Variants in PSD3 observed in about 807,000 individuals in gnomAD.
PSD3 encodes the protein pleckstrin and Sec7 domain containing 3.
A neutral mutation model predicts 105.5 loss-of-function variants in PSD3; 49 were observed. The observed-to-expected ratio is 0.46, with a 90% CI of 0.37 to 0.59. The LOEUF (loss-of-function observed/expected upper bound fraction) is 0.59. Ranked by LOEUF, PSD3 falls within the 20% of genes least tolerant of loss-of-function variation. PSD3 has a pLI of 0.00. For missense variants in PSD3, 1,561 were observed against 1,263.8 expected (o/e 1.24, Z -3.57); for synonymous variants, 557 against 457.8 (o/e 1.22, Z -2.77).
chr8:18,648,030 ACTT>A (rs1808181588), intron 10 of PSD3, among the ~76,000 whole-genome samples: 2 of 152,122 alleles, frequency 1.3e-5, no homozygotes, highest in Admixed American at 1.3e-4. Context: ...AGCCAATTAA[ACTT>A]CTTTTTATAT....
At chr8:18,652,493 GTTTTT>G (rs67555804) in intron 10 of PSD3, among the ~76,000 whole-genome samples, 1 of 92,594 alleles carries the variant, frequency 1.1e-5, no homozygotes, top group Non-Finnish European at 2.0e-5. Flanking sequence ...AAAAAGCTTA[GTTTTT>G]TTTTTTTTTT....
intron 9 of PSD3, among the ~76,000 whole-genome samples, chr8:18,719,640 ACATTTG>A (rs1394082190): frequency 6.6e-6 from 1 of 152,180 alleles, no homozygotes; most frequent in Non-Finnish European, 1.5e-5. Context: ...CTATTCTTGA[ACATTTG>A]CAGGTCAAGG....
chr8:19,007,937 G>A (rs947886468), intron 1 of PSD3, among the ~76,000 whole-genome samples: 1 of 152,124 alleles, frequency 6.6e-6, no homozygotes, highest in Admixed American at 6.5e-5. Context: ...CCGCCTCCTG[G>A]GTTCAAGTGA....
chr8:18,732,555 G>A (rs10089453), intron 9 of PSD3, among the ~76,000 whole-genome samples: 9,092 of 152,256 alleles, frequency 0.06, 532 homozygotes, highest in East Asian at 0.24. Context: ...TGAGCATGGT[G>A]CCAGCTGCAA....
At chr8:18,770,910 G>A (rs1807458756) in intron 8 of PSD3, among the ~76,000 whole-genome samples, 1 of 152,172 alleles carries the variant, frequency 6.6e-6, no homozygotes, top group African/African-American at 2.4e-5. Flanking sequence ...ATTGGAGGAT[G>A]GTAAATGCAG....
At chr8:18,756,543 T>C (rs1289118375) in intron 9 of PSD3, among the ~76,000 whole-genome samples, 1 of 124,344 alleles carries the variant, frequency 8.0e-6, no homozygotes, top group African/African-American at 4.0e-5. Context: ...CGATTTGGAT[T>C]CAAAATGACG....
At position 18,557,874 on chromosome 8, in the gene PSD3, G is replaced by A. The variant is rs781211220; in HGVS notation, c.2785-1522C>T. On this transcript the variant is annotated intron_variant, in intron 14 of 15. Transcript: ENST00000327040. The stretch of plus-strand genomic sequence containing the variant: ...GAGACTATCAACTATGTTATGGATT[G>A]AATGTGTCCACTCAAAATTAACCTT... Among the ~76,000 whole-genome samples the A allele has an allele frequency of 1.2e-3, 181 of 152,294 alleles. 2 individuals are homozygous for A. Among genetic ancestry groups the A allele is most frequent in the Admixed American group, 1.4e-3 (22 of 15,300 alleles).
chr8:19,020,454 G>T (rs1387524523), intron 1 of PSD3, among the ~76,000 whole-genome samples: 1 of 152,132 alleles, frequency 6.6e-6, no homozygotes, highest in Non-Finnish European at 1.5e-5. Flanking sequence ...ACAGCAAGGG[G>T]TCAGTGTGCC....
At chr8:18,729,522 A>T (rs1425642413) in intron 9 of PSD3, among the ~76,000 whole-genome samples, 2 of 152,218 alleles carry the variant, frequency 1.3e-5, no homozygotes, top group African/African-American at 4.8e-5. Flanking sequence ...TAAAAGTAGC[A>T]TGCAACAACC....
chr8:18,882,430 C>T (rs909229114), intron 2 of PSD3, among the ~76,000 whole-genome samples: 1 of 152,104 alleles, frequency 6.6e-6, no homozygotes, highest in Non-Finnish European at 1.5e-5. Flanking sequence ...ACCATGAATG[C>T]ATCAAGCAGC....
In PSD3 at chr8:18,704,665, T is replaced by A. The variant is rs118151226; in HGVS notation, c.2173-48980A>T. ...CCAATAAGAGAACCTTATTGTGAGT[T>A]TCCATCTCAGTTCTGCTAAGTTGCT... On this transcript the variant is annotated intron_variant, in intron 9 of 15. Coordinates refer to ENST00000327040, the MANE Select transcript of PSD3 (RefSeq NM_015310.4). Among the ~76,000 whole-genome samples, 8 of 152,254 alleles carry A rather than the reference T, an allele frequency of 5.3e-5. No homozygotes were observed. The East Asian group carries it at 9.7e-4, about 18-fold the overall frequency.
chr8:18,816,412 G>C (rs1446254622), intron 4 of PSD3, among the ~76,000 whole-genome samples: 1 of 152,184 alleles, frequency 6.6e-6, no homozygotes, highest in African/African-American at 2.4e-5. Flanking sequence ...CTGCAGTTGT[G>C]CATTCAGCCT....
intron 1 of PSD3, among the ~76,000 whole-genome samples, chr8:19,072,652 A>C (rs528053427): frequency 1.3e-5 from 2 of 152,328 alleles, no homozygotes; most frequent in East Asian, 3.9e-4. Flanking sequence ...ACCAGGACAC[A>C]GAAGCAGTGG....
chr8:18,714,037 T>A (rs553809677), intron 9 of PSD3, among the ~76,000 whole-genome samples: 1 of 152,292 alleles, frequency 6.6e-6, no homozygotes, highest in South Asian at 2.1e-4. Flanking sequence ...GGGAAATGAT[T>A]CCCTATTTAA....
At chr8:18,679,646 G>A (rs1800270630) in intron 9 of PSD3, among the ~76,000 whole-genome samples, 2 of 152,158 alleles carry the variant, frequency 1.3e-5, no homozygotes, top group South Asian at 4.1e-4. Flanking sequence ...TTTTAGGGAT[G>A]AGTCTTGGGG....
chr8:18,951,083 A>G (rs1480941851), intron 1 of PSD3, among the ~76,000 whole-genome samples: 1 of 152,174 alleles, frequency 6.6e-6, no homozygotes, highest in Non-Finnish European at 1.5e-5. Flanking sequence ...TTCTGGAACT[A>G]TATGAGTATA....
At chr8:19,072,854 C>T (rs1425696799) in intron 1 of PSD3, among the ~76,000 whole-genome samples, 2 of 152,136 alleles carry the variant, frequency 1.3e-5, no homozygotes, top group African/African-American at 2.4e-5. Flanking sequence ...GAAGTCTGTA[C>T]TGTGCTGAGT....
At chr8:18,564,168 TG>T (rs983243695) in intron 14 of PSD3, among the ~76,000 whole-genome samples, 1 of 152,128 alleles carries the variant, frequency 6.6e-6, no homozygotes, top group Non-Finnish European at 1.5e-5. Flanking sequence ...TATTTATTAC[TG>T]GGATTGACAG....
At chr8:18,789,268 G>A (rs1433838974) in intron 8 of PSD3, among the ~76,000 whole-genome samples, 1 of 152,066 alleles carries the variant, frequency 6.6e-6, no homozygotes, top group Non-Finnish European at 1.5e-5. Context: ...ATACAGTAGA[G>A]TTTTCTAGAA....
Sources: allele counts gnomAD v4.1 joint callset (sites outside exome capture counted in the v4.1 genomes callset), GRCh38; gene constraint gnomAD v4.1.1; transcripts MANE v1.5; gene names NCBI Gene and HGNC (gene_info 2026-07-23, HGNC 2026-07-21).